The following BRSK2 variants were observed in gnomAD, a reference collection of about 807,000 sequenced individuals.
BRSK2 encodes serine/threonine-protein kinase BRSK2.
A neutral mutation model predicts 83.3 loss-of-function variants in BRSK2; 19 were observed. The observed-to-expected ratio is 0.23, with a 90% CI of 0.16 to 0.33. BRSK2 has a LOEUF of 0.33. BRSK2 is among the 10% of genes least tolerant of loss of function. The pLI is 1.00. For missense variants in BRSK2, 798 were observed against 1,042.3 expected (o/e 0.77, Z 3.23); for synonymous variants, 519 against 435.4 (o/e 1.19, Z -2.39).
chr11:1,447,442 C>T (rs1852306714), intron 12 of BRSK2, among the ~76,000 whole-genome samples: 1 of 152,202 alleles, frequency 6.6e-6, no homozygotes. Context: ...AGGCCATGGA[C>T]CATTCCGGGG....
intron 10 of BRSK2, 43 bp from the exon 11 acceptor site, chr11:1,445,528 G>C: frequency 6.2e-7 from 1 of 1,600,938 alleles, no homozygotes; most frequent in Admixed American, 1.7e-5. Flanking sequence ...AGGAGCCGGC[G>C]GCCCCGTGTG....
At chr11:1,410,846 T>TGAG (rs1847401106) in intron 1 of BRSK2, 10 of 984,972 alleles carry the variant, frequency 1.0e-5, no homozygotes, top group Non-Finnish European at 1.2e-5. Flanking sequence ...CACTGTGGCC[T>TGAG]GAGGAGGAGC....
chr11:1,390,652 C>T lies in BRSK2; in HGVS notation c.91+277C>T, dbSNP rs1845666784. On this transcript the variant is annotated intron_variant, in intron 1 of 19. Transcript: ENST00000528841. The surrounding 1 kb of genome is among the most constrained non-coding windows in gnomAD (Gnocchi z 6.8). Reference sequence around the variant, plus strand: ...GACAGGGGCGCACGGGACGGCGCCCCTCGGGCCCCGCTGCAGGTGCGCGGC... The same window carrying T: ...GACAGGGGCGCACGGGACGGCGCCCTTCGGGCCCCGCTGCAGGTGCGCGGC... 6.7e-6 allele frequency among the ~76,000 whole-genome samples: 1 copy of T among 148,164 alleles called. No homozygotes were observed. Among genetic ancestry groups the T allele is most frequent in the Admixed American group, 6.7e-5 (1 of 14,926 alleles).
chr11:1,425,121 G>A (rs766298155), intron 1 of BRSK2, among the ~76,000 whole-genome samples: 3 of 152,248 alleles, frequency 2.0e-5, no homozygotes, highest in Non-Finnish European at 2.9e-5. Flanking sequence ...CCTGACGTCT[G>A]CATCGTCCTG....
chr11:1,461,402 C>G lies in BRSK2; in HGVS notation c.*679C>G, dbSNP rs1391400024. 3.9e-6 allele frequency: 1 copy of G among 257,512 alleles called. No individual in the cohort carries two copies. Among genetic ancestry groups the G allele is most frequent in the Admixed American group, 5.9e-5 (1 of 17,064 alleles). 16.0% of individuals were successfully genotyped at this position (257,512 alleles called of 1,614,324 possible). ...CTCCTCAGGCTGCCTCCCGTCCTCT[C>G]GTCTCACCCGCGCCTCCCTTGCCTC... is the stretch of plus-strand genomic sequence containing the variant. On this transcript the variant is annotated 3_prime_UTR_variant, in exon 20 of 20. Coordinates refer to ENST00000528841, the MANE Select transcript of BRSK2 (RefSeq NM_001256627.2).
intron 18 of BRSK2, among the ~76,000 whole-genome samples, chr11:1,457,402 G>T (rs1221771317): frequency 3.9e-5 from 6 of 152,138 alleles, no homozygotes; most frequent in Non-Finnish European, 5.9e-5. Context: ...AGCCTGATGG[G>T]CTCACACAGG....
intron 9 of BRSK2, 134 bp downstream of exon 9, chr11:1,445,136 TGGGTGCG>T: frequency 4.7e-6 from 7 of 1,482,554 alleles, no homozygotes; most frequent in Non-Finnish European, 6.5e-6. Context: ...TGGCCTGCGC[TGGGTGCG>T]GGGTGCGGGC....
intron 1 of BRSK2, among the ~76,000 whole-genome samples, chr11:1,407,335 C>T (rs1846957123): frequency 6.6e-6 from 1 of 152,160 alleles, no homozygotes; most frequent in Non-Finnish European, 1.5e-5. Flanking sequence ...CCCCCTATGC[C>T]CTCTGGCAAC....
At chr11:1,445,118 G>C (rs573442697) in intron 9 of BRSK2, 116 bp downstream of exon 9, 1 of 1,501,834 alleles carries the variant, frequency 6.7e-7, no homozygotes, top group East Asian at 2.3e-5. Flanking sequence ...CCCTGCCTTG[G>C]CCCTCCGTGG....
At position 1,434,819 on chromosome 11, in the gene BRSK2, A is replaced by G. The variant is rs1356107569; in HGVS notation, c.92-1221A>G. On this transcript the variant is annotated intron_variant, in intron 1 of 19. Coordinates refer to ENST00000528841, the MANE Select transcript of BRSK2 (RefSeq NM_001256627.2). ...AACATGCCCCAACATGGAATGGCAC[A>G]TGAGTGCGCCTGAGGACCTTTGATG... Among the ~76,000 whole-genome samples the G allele has an allele frequency of 2.0e-5, 3 of 152,150 alleles. No homozygotes were observed. In the East Asian group the frequency reaches 5.8e-4, roughly 29 times the overall value.
At chr11:1,450,334 C>G (rs757580994) in intron 13 of BRSK2, among the ~76,000 whole-genome samples, 1 of 152,250 alleles carries the variant, frequency 6.6e-6, no homozygotes, top group East Asian at 1.9e-4. Context: ...GGCCTGGACA[C>G]GTCCTCCCTC....
chr11:1,457,892 T>C (rs1448643391), intron 18 of BRSK2, among the ~76,000 whole-genome samples: 1 of 151,574 alleles, frequency 6.6e-6, no homozygotes, highest in Non-Finnish European at 1.5e-5. Flanking sequence ...GGTGGAGGAG[T>C]AGCCCCCTTC....
At chr11:1,398,513 G>A (rs1032009477) in intron 1 of BRSK2, among the ~76,000 whole-genome samples, 1 of 152,144 alleles carries the variant, frequency 6.6e-6, no homozygotes, top group Non-Finnish European at 1.5e-5. Flanking sequence ...CAGCCCCAAA[G>A]CTGGGTTCTC....
intron 1 of BRSK2, among the ~76,000 whole-genome samples, chr11:1,395,645 T>C (rs1314274498): frequency 6.6e-6 from 1 of 152,206 alleles, no homozygotes; most frequent in Non-Finnish European, 1.5e-5. Flanking sequence ...GTGTCCCTGT[T>C]GACGTGGGTC....
At chr11:1,448,461 C>T (rs1403449031) in intron 12 of BRSK2, among the ~76,000 whole-genome samples, 1 of 152,222 alleles carries the variant, frequency 6.6e-6, no homozygotes, top group African/African-American at 2.4e-5. Flanking sequence ...CTGGCGCCGT[C>T]TCTCCTGCCC....
chr11:1,396,231 TCC>T (rs1456413535), intron 1 of BRSK2, among the ~76,000 whole-genome samples: 29 of 128,700 alleles, frequency 2.3e-4, no homozygotes, highest in East Asian at 1.2e-3. Flanking sequence ...CCTCTTCCCT[TCC>T]ACCCACGTCC....
At chr11:1,401,823 C>T (rs993372329) in intron 1 of BRSK2, among the ~76,000 whole-genome samples, 2 of 152,248 alleles carry the variant, frequency 1.3e-5, no homozygotes, top group Non-Finnish European at 2.9e-5. Context: ...TTCCTCCTCC[C>T]GCGAGGGCGC....
rs377509848 is a variant in BRSK2 at position 1,451,411 on chromosome 11, G to C, written c.1536G>C (p.Ser512=). ...PEEMSNLTPE[S]SPELAKKSWF... ...AGATGTCCAACCTGACACCAGAGTCGTCCCCAGAGTAAGTGGCCCCTGCTG... is the reference window on the plus strand; with the variant it reads ...AGATGTCCAACCTGACACCAGAGTCCTCCCCAGAGTAAGTGGCCCCTGCTG... The change falls in exon 15 of 20, where the codon TCG becomes TCC. Residue 512 remains serine (S), a synonymous_variant. Transcript: ENST00000528841. 4.3e-6 allele frequency: 7 copies of C among 1,612,740 alleles called. No homozygotes were observed. The Admixed American group carries it at 6.7e-5, about 15-fold the overall frequency.
rs1320554565 is a variant in BRSK2 at position 1,395,826 on chromosome 11, C to T, written c.91+5451C>T. Among the ~76,000 whole-genome samples, 3 of 152,200 alleles carry T rather than the reference C, an allele frequency of 2.0e-5. No homozygotes were observed. The East Asian group carries it at 5.8e-4, about 29-fold the overall frequency. On this transcript the variant is annotated intron_variant, in intron 1 of 19. Transcript: ENST00000528841. ...GGCTGTGCCCCCTCCCCCAGCTGTG[C>T]CAGGGAGGGCTTTCCAGAGTCACCG...
Sources: gnomAD v4.1 joint callset for allele counts (sites outside exome capture counted in the v4.1 genomes callset) on GRCh38, gnomAD v4.1.1 for gene constraint, Gnocchi (gnomAD v3.1) non-coding constraint, MANE v1.5 for transcripts, NCBI Gene and HGNC (gene_info 2026-07-23, HGNC 2026-07-21) for gene names.